WDR27: variants seen among roughly 807,000 people sequenced by gnomAD.
WDR27 encodes the protein WD repeat domain 27.
In WDR27, 100 loss-of-function variants were observed where a neutral mutation model predicts 114.4. The ratio of observed to expected loss-of-function variants is 0.87; its 90% CI spans 0.74 to 1.03. The LOEUF (loss-of-function observed/expected upper bound fraction) is 1.03. Ranked by LOEUF, WDR27 falls within the 50% of genes least tolerant of loss-of-function variation. The pLI is 0.00. For synonymous variants in WDR27, 449 were observed against 423.1 expected (o/e 1.06, Z -0.75); for missense variants, 1,129 against 1,092.9 (o/e 1.03, Z -0.47).
At chr6:169,698,577 GGTCT>G (rs1786919877) in intron 1 of WDR27, among the ~76,000 whole-genome samples, 1 of 152,180 alleles carries the variant, frequency 6.6e-6, no homozygotes, top group African/African-American at 2.4e-5. Context: ...CTATTTCTGT[GGTCT>G]GGCAGTTTTC....
At chr6:169,694,028 T>C (rs1785175607) in intron 1 of WDR27, among the ~76,000 whole-genome samples, 1 of 152,166 alleles carries the variant, frequency 6.6e-6, no homozygotes, top group African/African-American at 2.4e-5. Context: ...GTAACAGTCA[T>C]GCCGGGCGCA....
chr6:169,661,520 G>A (rs1212264727), intron 9 of WDR27, among the ~76,000 whole-genome samples: 1 of 152,116 alleles, frequency 6.6e-6, no homozygotes, highest in Non-Finnish European at 1.5e-5. Context: ...GCTCCTCCTG[G>A]GCATCCACCA....
rs116658375 is a variant in WDR27, at chr6:169,570,905, G to A, written c.2645+1514C>T. Among the ~76,000 whole-genome samples the A allele has an allele frequency of 3.7e-3, 567 of 152,278 alleles. 4 individuals carry two copies. The highest frequency in any genetic ancestry group is 0.013 in the African/African-American group (538 of 41,560). On this transcript the variant is annotated intron_variant, in intron 25 of 25. Coordinates refer to ENST00000448612, the MANE Select transcript of WDR27 (RefSeq NM_182552.5). ...ACGCAGGCCAGGAGTCTCCCGTGGC[G>A]GCCAGGAAGGAGGGGACAGCAGGAG... is the stretch of plus-strand genomic sequence containing the variant.
chr6:169,647,920 T>C, intron 15 of WDR27, 50 bp from the exon 16 acceptor site: 1 of 1,355,348 alleles, frequency 7.4e-7, no homozygotes, highest in Non-Finnish European at 1.0e-6. Flanking sequence ...CACAGTGAGA[T>C]TAGAAGTAAA....
chr6:169,666,521 A>G, intron 6 of WDR27: 3 of 985,524 alleles, frequency 3.0e-6, no homozygotes, highest in Non-Finnish European at 3.6e-6. Flanking sequence ...GTGCCCTAAG[A>G]TGCCAGGAGG....
chr6:169,592,800 T>C (rs1378153612), intron 23 of WDR27, among the ~76,000 whole-genome samples: 1 of 152,214 alleles, frequency 6.6e-6, no homozygotes, highest in Non-Finnish European at 1.5e-5. Context: ...ATGTCAGCTT[T>C]TGGGCTGAGA....
At chr6:169,643,529 TGTTTG>T (rs1445516206) in intron 17 of WDR27, among the ~76,000 whole-genome samples, 163 bp downstream of exon 17, 2 of 152,260 alleles carry the variant, frequency 1.3e-5, no homozygotes, top group African/African-American at 2.4e-5. Context: ...ATGTTTGCCC[TGTTTG>T]GTTGAAGATC....
rs6921665 is a variant in WDR27 at position 169,486,833 on chromosome 6, C to T, written c.2646-29199G>A. Among the ~76,000 whole-genome samples, 891 of 152,328 alleles carry T rather than the reference C, an allele frequency of 5.8e-3. 11 individuals carry two copies. The highest frequency in any genetic ancestry group is 0.019 in the African/African-American group (794 of 41,562). ...GCTGTCCTTTTCCTCGATGTTTTCA[C>T]AGGCACTGAGACCAGTTTCTTTATT... On this transcript the variant is annotated intron_variant, in intron 25 of 25. Coordinates refer to ENST00000448612, the MANE Select transcript of WDR27 (RefSeq NM_182552.5).
Position 169,701,632 on chromosome 6 carries a change from G to C in WDR27, c.-89C>G, listed in dbSNP as rs1347595532. Reference sequence around the variant, plus strand: ...AGCGGCCGCCCGGATGCTCCGGCCCGACTTGTGCCCCGAATTCCCCTGGAG... The same window carrying C: ...AGCGGCCGCCCGGATGCTCCGGCCCCACTTGTGCCCCGAATTCCCCTGGAG... On this transcript the variant is annotated 5_prime_UTR_variant, in exon 1 of 26. Transcript: ENST00000448612. 1 of 161,080 alleles carries C rather than the reference G, an allele frequency of 6.2e-6. No homozygotes were observed. Among genetic ancestry groups the C allele is most frequent in the South Asian group, 1.5e-4 (1 of 6,596 alleles). 10.0% of individuals were successfully genotyped at this position (161,080 alleles called of 1,614,324 possible).
intron 19 of WDR27, among the ~76,000 whole-genome samples, chr6:169,635,656 T>C (rs1282922104): frequency 2.6e-5 from 4 of 152,238 alleles, no homozygotes. Context: ...CCCAACCCGA[T>C]GTCCCTCCAT....
At chr6:169,428,976 G>A in the WDR27 span, among the ~76,000 whole-genome samples, 1 of 152,192 alleles carries the variant, frequency 6.6e-6, no homozygotes, top group Non-Finnish European at 1.5e-5. Context: ...CACAGTGAGT[G>A]GGGCAGACAC....
At chr6:169,500,461 C>T (rs1791030189) in intron 25 of WDR27, among the ~76,000 whole-genome samples, 1 of 152,142 alleles carries the variant, frequency 6.6e-6, no homozygotes, top group Non-Finnish European at 1.5e-5. Flanking sequence ...AGGAGAGTCA[C>T]CCATCTTCAT....
At position 169,632,964 on chromosome 6, in the gene WDR27, G is replaced by C; in HGVS notation, c.2206C>G (p.Gln736Glu). ...TTACTCACTTTATTTTGGCAGATTT[G>C]ATGGACAGGCCGTGAGTGGGCTTCC... is the stretch of plus-strand genomic sequence containing the variant. ...IAEAHSRPVH[Q>E]ICQNKGSSFT... The change falls in exon 21 of 26, where the codon CAA (glutamine) becomes GAA (glutamate). Residue 736 changes from glutamine (Q) to glutamate (E), a missense_variant. By Grantham distance (29) the Gln-to-Glu change is conservative. Coordinates refer to ENST00000448612, the MANE Select transcript of WDR27 (RefSeq NM_182552.5). 6.3e-7 allele frequency: 1 copy of C among 1,586,408 alleles called. No individual in the cohort carries two copies. Among genetic ancestry groups the C allele is most frequent in the Non-Finnish European group, 8.6e-7 (1 of 1,158,664 alleles).
chr6:169,669,797 T>C (rs1338016921), intron 4 of WDR27: 1 of 152,188 alleles, frequency 6.6e-6, no homozygotes, highest in Non-Finnish European at 1.5e-5. Flanking sequence ...ATTTCATAAT[T>C]AGTCCAAAAA....
chr6:169,561,653 A>G (rs986589795), intron 25 of WDR27, among the ~76,000 whole-genome samples: 3 of 152,232 alleles, frequency 2.0e-5, no homozygotes, highest in Admixed American at 6.5e-5. Flanking sequence ...AAATAAAAAA[A>G]CAAAGATCAG....
At chr6:169,626,701 T>G (rs1272002988) in intron 21 of WDR27, among the ~76,000 whole-genome samples, 1 of 152,152 alleles carries the variant, frequency 6.6e-6, no homozygotes, top group Non-Finnish European at 1.5e-5. Context: ...CGTCCGTGAG[T>G]AAGTAGATGA....
chr6:169,582,547 T>A (rs147241369), intron 24 of WDR27, among the ~76,000 whole-genome samples: 2 of 152,216 alleles, frequency 1.3e-5, no homozygotes, highest in African/African-American at 4.8e-5. Context: ...TGTCCACAGG[T>A]CTTCCCATAC....
intron 25 of WDR27, among the ~76,000 whole-genome samples, chr6:169,502,549 G>A (rs149970375): frequency 1.6e-3 from 237 of 152,316 alleles, no homozygotes; most frequent in African/African-American, 5.4e-3. Flanking sequence ...TCCCTCTGGA[G>A]GCTTCAGGAG....
chr6:169,686,739 T>G (rs1000482162), intron 2 of WDR27, among the ~76,000 whole-genome samples: 8 of 152,182 alleles, frequency 5.3e-5, no homozygotes, highest in African/African-American at 1.9e-4. Context: ...GGAATCAACC[T>G]AAGCATCCAT....
Sources: gnomAD v4.1 joint callset for allele counts (sites outside exome capture counted in the v4.1 genomes callset) on GRCh38, gnomAD v4.1.1 for gene constraint, MANE v1.5 for transcripts, NCBI Gene and HGNC (gene_info 2026-07-23, HGNC 2026-07-21) for gene names.